TRMU: variants seen among roughly 807,000 people sequenced by gnomAD.
TRMU encodes the protein mitochondrial tRNA-specific 2-thiouridylase 1.
A neutral mutation model predicts 46.9 loss-of-function variants in TRMU; 49 were observed. The ratio of observed to expected loss-of-function variants is 1.05; its 90% CI spans 0.83 to 1.33. TRMU has a LOEUF of 1.33. TRMU is among the 40% of genes most tolerant of loss of function. TRMU has a pLI of 0.00. For missense variants in TRMU, 572 were observed against 532.4 expected (o/e 1.07, Z -0.73); for synonymous variants, 241 against 200.9 (o/e 1.20, Z -1.69).
At chr22:46,352,588 C>G (rs1380755106) in intron 7 of TRMU, 1 of 575,198 alleles carries the variant, frequency 1.7e-6, no homozygotes, top group Non-Finnish European at 3.1e-6. Context: ...AAGGACTATA[C>G]TCTGTGAGTT....
rs1166426396 is a variant in TRMU at position 46,342,215 on chromosome 22, T to C, written c.249-1047T>C. On this transcript the variant is annotated intron_variant, in intron 2 of 10. Coordinates refer to ENST00000645190, the MANE Select transcript of TRMU (RefSeq NM_018006.5). The surrounding 1 kb of genome is among the most constrained non-coding windows in gnomAD (Gnocchi z 4.7). ...TGACCAACTGGCTTCCAGTTGGGATTCCCATAACTTCCTCTTTGGGTTCAA... is the reference window on the plus strand; with the variant it reads ...TGACCAACTGGCTTCCAGTTGGGATCCCCATAACTTCCTCTTTGGGTTCAA... Among the ~76,000 whole-genome samples, 1 of 152,234 alleles carries C rather than the reference T, an allele frequency of 6.6e-6. No individual in the cohort carries two copies. The highest frequency in any genetic ancestry group is 1.9e-4 in the East Asian group (1 of 5,204).
intron 2 of TRMU, among the ~76,000 whole-genome samples, chr22:46,341,139 G>A (rs2078112652): frequency 6.6e-6 from 1 of 152,248 alleles, no homozygotes; most frequent in African/African-American, 2.4e-5. Context: ...TCCAGTTAGA[G>A]AAGAGGCTGG....
Position 46,337,981 on chromosome 22 carries a change from C to A in TRMU, c.248+37C>A, listed in dbSNP as rs567534537. 1.3e-5 allele frequency: 21 copies of A among 1,613,370 alleles called. No individual in the cohort carries two copies. In the East Asian group the frequency reaches 4.5e-4, roughly 34 times the overall value. On this transcript the variant is annotated intron_variant, in intron 2 of 10. Coordinates refer to ENST00000645190, the MANE Select transcript of TRMU (RefSeq NM_018006.5). ...TCACAGCACAAAGGAAGCTTCCTCA[C>A]ACTGTGGATCCTTGCAGTGGAAGGA...
rs2078136344 is a variant in TRMU at position 46,342,067 on chromosome 22, C to T, written c.249-1195C>T. On this transcript the variant is annotated intron_variant, in intron 2 of 10. Transcript: ENST00000645190. This position sits in a 1 kb window ranked among gnomAD's most constrained non-coding sequence, Gnocchi z 4.7. ...CAAGCAGTGGACACCGACTGGGTGT[C>T]CTCTGATTCAGTTCCGATACCATCT... Among the ~76,000 whole-genome samples, 1 of 152,186 alleles carries T rather than the reference C, an allele frequency of 6.6e-6. No homozygotes were observed. Among genetic ancestry groups the T allele is most frequent in the Non-Finnish European group, 1.5e-5 (1 of 68,034 alleles).
rs769473991 is a variant in TRMU, at chr22:46,355,496, G to A, written c.926G>A (p.Arg309His). Reference sequence around the variant, plus strand: ...TACAGGGACCTGCTGAGGACCAGCCGCGTGCACTGGATTGCGGAGGAGCCT... The same window carrying A: ...TACAGGGACCTGCTGAGGACCAGCCACGTGCACTGGATTGCGGAGGAGCCT... ...ALYRDLLRTS[R>H]VHWIAEEPPA... is the part of the protein sequence containing the mutation. Residue 309 changes from arginine (R) to histidine (H), a missense_variant, in exon 9 of 11, where the codon CGC becomes CAC. By Grantham distance (29) the Arg-to-His change is conservative. Transcript: ENST00000645190. The A allele has an allele frequency of 1.1e-5, 17 of 1,613,276 alleles. No homozygotes were observed. The highest frequency in any genetic ancestry group is 5.0e-5 in the Admixed American group (3 of 60,026).
chr22:46,336,083 T>C lies in TRMU; in HGVS notation c.82+237T>C. 7.3e-7 allele frequency: 1 copy of C among 1,369,218 alleles called. No homozygotes were observed. Among genetic ancestry groups the C allele is most frequent in the Non-Finnish European group, 9.4e-7 (1 of 1,064,530 alleles). The allele number at this position is 1,369,218 out of a possible 1,614,324, so 84.8% of individuals were successfully genotyped here. A position where few individuals can be genotyped will look rare whatever the true frequency, so the allele number is the denominator to read the frequency against. On this transcript the variant is annotated intron_variant, in intron 1 of 10. Coordinates refer to ENST00000645190, the MANE Select transcript of TRMU (RefSeq NM_018006.5). The surrounding 1 kb of genome is among the most constrained non-coding windows in gnomAD (Gnocchi z 4.1). ...ACCTGGGAGCAGTTCCGCGCCCCTC[T>C]CCACCCACGCGCGCCCACCCACAGT...
chr22:46,348,571 G>C lies in TRMU; in HGVS notation c.479-1720G>C, dbSNP rs755875720. Reference sequence around the variant, plus strand: ...CTGGGCTGATTTTCCCCCACACAGCGTGCTACCACCGGCCTGGCAGAGCCA... The same window carrying C: ...CTGGGCTGATTTTCCCCCACACAGCCTGCTACCACCGGCCTGGCAGAGCCA... On this transcript the variant is annotated intron_variant, in intron 4 of 10. Coordinates refer to ENST00000645190, the MANE Select transcript of TRMU (RefSeq NM_018006.5). This position sits in a 1 kb window ranked among gnomAD's most constrained non-coding sequence, Gnocchi z 4.8. Among the ~76,000 whole-genome samples the C allele has an allele frequency of 6.6e-6, 1 of 152,174 alleles. No individual in the cohort carries two copies. Among genetic ancestry groups the C allele is most frequent in the South Asian group, 2.1e-4 (1 of 4,832 alleles).
At position 46,347,126 on chromosome 22, in the gene TRMU, A is replaced by C. The variant is rs2078279921; in HGVS notation, c.478+582A>C. Among the ~76,000 whole-genome samples the C allele has an allele frequency of 6.6e-6, 1 of 152,222 alleles. No individual in the cohort carries two copies. Among genetic ancestry groups the C allele is most frequent in the African/African-American group, 2.4e-5 (1 of 41,454 alleles). The stretch of plus-strand genomic sequence containing the variant: ...CCTGTCCTGGTGTACATTCGTGTGT[A>C]GAAAAGAGGAATTCCCTGTATTGTT... On this transcript the variant is annotated intron_variant, in intron 4 of 10. Transcript: ENST00000645190. This position sits in a 1 kb window ranked among gnomAD's most constrained non-coding sequence, Gnocchi z 5.0.
At chr22:46,343,419 T>G in intron 3 of TRMU, 51 bp downstream of exon 3, 2 of 1,364,578 alleles carry the variant, frequency 1.5e-6, no homozygotes, top group South Asian at 2.4e-5. Flanking sequence ...AGGGTCTCGC[T>G]CTGTCACCCA....
chr22:46,343,486 A>G, intron 3 of TRMU, 118 bp downstream of exon 3: 1 of 772,644 alleles, frequency 1.3e-6, no homozygotes, highest in Non-Finnish European at 2.2e-6. Context: ...CCTGGGCTCA[A>G]GAGATTCTCC....
At position 46,335,834 on chromosome 22, in the gene TRMU, C is replaced by G; in HGVS notation, c.70C>G (p.Leu24Val). 1 of 1,552,650 alleles carries G rather than the reference C, an allele frequency of 6.4e-7. No individual in the cohort carries two copies. The highest frequency in any genetic ancestry group is 8.7e-7 in the Non-Finnish European group (1 of 1,155,000). Reference protein sequence around the residue: ...GVDSAVAALLLRRRGYQVTGV... With the variant: ...GVDSAVAALLVRRRGYQVTGV... ...GGACAGCGCCGTGGCCGCGCTGCTGCTGAGGCGGAGAGGTGAGGCGTCCGA... is the reference window on the plus strand; with the variant it reads ...GGACAGCGCCGTGGCCGCGCTGCTGGTGAGGCGGAGAGGTGAGGCGTCCGA... The change falls in exon 1 of 11, where the codon CTG becomes GTG. Residue 24 changes from leucine to valine, a missense_variant. Physicochemically the swap from Leu to Val is conservative, Grantham distance 32 (BLOSUM62 1). Transcript: ENST00000645190.
chr22:46,355,740 T>A, intron 9 of TRMU, 152 bp downstream of exon 9: 1 of 1,365,018 alleles, frequency 7.3e-7, no homozygotes, highest in Non-Finnish European at 1.0e-6. Flanking sequence ...TCCCGTGTCC[T>A]GTGCCTGCCC....
chr22:46,335,768 C>A lies in TRMU; in HGVS notation c.4C>A (p.Gln2Lys). The A allele has an allele frequency of 1.3e-6, 2 of 1,551,312 alleles. No homozygotes were observed. The highest frequency in any genetic ancestry group is 1.7e-6 in the Non-Finnish European group (2 of 1,152,214). Residue 2 changes from glutamine (Q) to lysine (K), a missense_variant, in exon 1 of 11, where the codon CAG becomes AAG. By Grantham distance (53) the Gln-to-Lys change is moderately conservative. Transcript: ENST00000645190. ...GGCGAAGTTGGGCGACTGGCGGATG[C>A]AGGCCTTGCGGCACGTCGTGTGCGC... The part of the protein sequence containing the change: M[Q>K]ALRHVVCALS...
At chr22:46,343,414 C>A in intron 3 of TRMU, 46 bp downstream of exon 3, 1 of 1,393,084 alleles carries the variant, frequency 7.2e-7, no homozygotes, top group South Asian at 1.2e-5. Flanking sequence ...AAGACAGGGT[C>A]TCGCTCTGTC....
At chr22:46,346,278 C>T (rs944038501) in intron 3 of TRMU, 144 bp from the exon 4 acceptor site, 12 of 958,816 alleles carry the variant, frequency 1.3e-5, no homozygotes, top group Non-Finnish European at 1.8e-5. Flanking sequence ...CCTGGGATCT[C>T]TATGTTTGGG....
intron 2 of TRMU, among the ~76,000 whole-genome samples, chr22:46,341,062 T>C (rs939629124): frequency 3.3e-5 from 5 of 152,238 alleles, no homozygotes; most frequent in Non-Finnish European, 5.9e-5. Flanking sequence ...AGAGTCCAGA[T>C]ACGTTTTAGC....
In TRMU at chr22:46,347,895, C is replaced by T. The variant is rs9627419; in HGVS notation, c.478+1351C>T. On this transcript the variant is annotated intron_variant, in intron 4 of 10. Transcript: ENST00000645190. The surrounding 1 kb of genome is among the most constrained non-coding windows in gnomAD (Gnocchi z 5.0). Reference sequence around the variant, plus strand: ...GAAGGCTGCAGTGATGGGGCAGGGCCGTGCTTGGTCAAGGGAGCCCTGAGT... The same window carrying T: ...GAAGGCTGCAGTGATGGGGCAGGGCTGTGCTTGGTCAAGGGAGCCCTGAGT... Among the ~76,000 whole-genome samples, 19,148 of 152,178 alleles carry T rather than the reference C, an allele frequency of 0.13. 3,016 individuals are homozygous for T. The highest frequency in any genetic ancestry group is 0.37 in the African/African-American group (15,412 of 41,462).
At chr22:46,356,795 G>A (rs774561432) in intron 10 of TRMU, 47 bp from the exon 11 acceptor site, 9 of 1,609,066 alleles carry the variant, frequency 5.6e-6, no homozygotes, top group South Asian at 3.3e-5. Context: ...GCCTGCCCTC[G>A]GCTGGCTCCC....
chr22:46,343,129 T>G, intron 2 of TRMU, 133 bp from the exon 3 acceptor site: 1 of 695,942 alleles, frequency 1.4e-6, no homozygotes, highest in Non-Finnish European at 2.5e-6. Flanking sequence ...ACTGACGTTC[T>G]CCTGTTTTGC....
Sources: allele counts gnomAD v4.1 joint callset (sites outside exome capture counted in the v4.1 genomes callset), GRCh38; gene constraint gnomAD v4.1.1; non-coding constraint Gnocchi (gnomAD v3.1); transcripts MANE v1.5; gene names NCBI Gene and HGNC (gene_info 2026-07-23, HGNC 2026-07-21).